BACH2: variants seen among roughly 807,000 people sequenced by gnomAD.
The protein encoded by BACH2 is transcription regulator protein BACH2.
BACH2 carries 5 observed loss-of-function variants against 61.8 expected under a neutral mutation model. That is an observed-to-expected ratio of 0.08 (90% CI 0.04 to 0.17). The LOEUF is 0.17. Ranked by LOEUF, BACH2 falls within the 10% of genes least tolerant of loss-of-function variation. The pLI is 1.00. For missense variants in BACH2, 824 were observed against 1,091.1 expected (o/e 0.76, Z 3.45); for synonymous variants, 446 against 440.1 (o/e 1.01, Z -0.17).
intron 4 of BACH2, among the ~76,000 whole-genome samples, chr6:90,106,788 A>G (rs1402693793): frequency 6.6e-6 from 1 of 152,246 alleles, no homozygotes; most frequent in African/African-American, 2.4e-5. Context: ...TATGTACCAC[A>G]TCACTGCATA....
chr6:90,156,789 TAACTCTTGCATA>T (rs1785009081), intron 4 of BACH2, among the ~76,000 whole-genome samples: 2 of 151,906 alleles, frequency 1.3e-5, no homozygotes, highest in Non-Finnish European at 2.9e-5. Flanking sequence ...CAACACGGAG[TAACTCTTGCATA>T]AAAATGGAGA....
chr6:89,987,995 A>G (rs1776336325), intron 6 of BACH2, among the ~76,000 whole-genome samples: 1 of 152,198 alleles, frequency 6.6e-6, no homozygotes, highest in African/African-American at 2.4e-5. Flanking sequence ...GTCTCCTATA[A>G]GTCTATGAAT....
At chr6:90,193,596 T>A (rs986992555) in intron 4 of BACH2, among the ~76,000 whole-genome samples, 5 of 152,242 alleles carry the variant, frequency 3.3e-5, no homozygotes, top group African/African-American at 9.6e-5. Flanking sequence ...ACAAAATAGA[T>A]GGTGAGGCCA....
chr6:89,954,700 C>T (rs1341114890), intron 6 of BACH2, among the ~76,000 whole-genome samples: 1 of 151,910 alleles, frequency 6.6e-6, no homozygotes, highest in Non-Finnish European at 1.5e-5. Flanking sequence ...CATCTCCGCT[C>T]AGGGACGAGC....
intron 4 of BACH2, among the ~76,000 whole-genome samples, chr6:90,170,566 GA>G (rs1292909247): frequency 2.0e-5 from 3 of 151,806 alleles, no homozygotes; most frequent in East Asian, 3.9e-4. Flanking sequence ...GAAGACCAAA[GA>G]AAAAAAGACA....
chr6:90,250,040 A>G (rs1028992776), intron 3 of BACH2, among the ~76,000 whole-genome samples: 1 of 152,118 alleles, frequency 6.6e-6, no homozygotes, highest in African/African-American at 2.4e-5. Flanking sequence ...AGACTCAAAA[A>G]AAGGTAATGC....
intron 2 of BACH2, 24 bp from the exon 3 acceptor site, chr6:90,252,614 A>G (rs890764170): frequency 1.3e-5 from 2 of 152,228 alleles, no homozygotes; most frequent in Admixed American, 6.5e-5. Flanking sequence ...AATGGATATG[A>G]TTATCACTCT....
At chr6:90,087,222 A>T (rs1201118135) in intron 5 of BACH2, among the ~76,000 whole-genome samples, 1 of 152,212 alleles carries the variant, frequency 6.6e-6, no homozygotes, top group East Asian at 1.9e-4. Context: ...AGAGAGTTAT[A>T]ATAAGAGAAC....
chr6:90,139,639 C>CA (rs1488520509), intron 4 of BACH2, among the ~76,000 whole-genome samples: 1 of 152,204 alleles, frequency 6.6e-6, no homozygotes, highest in Non-Finnish European at 1.5e-5. Context: ...AACAAACCAA[C>CA]AGTCCTTCAA....
intron 7 of BACH2, among the ~76,000 whole-genome samples, chr6:89,943,127 A>G (rs1467418856): frequency 6.6e-6 from 1 of 152,134 alleles, no homozygotes; most frequent in Non-Finnish European, 1.5e-5. Flanking sequence ...CCAGCTCCTG[A>G]GCAGTCAGTA....
intron 5 of BACH2, among the ~76,000 whole-genome samples, chr6:90,045,370 T>C (rs1042820860): frequency 7.9e-5 from 12 of 152,144 alleles, no homozygotes; most frequent in African/African-American, 2.4e-4. Flanking sequence ...TCACAGCATG[T>C]TGTGCAGGCT....
rs553491627 is a variant in BACH2 at position 89,951,889 on chromosome 6, A to C, written c.244-27T>G. On this transcript the variant is annotated intron_variant, in intron 6 of 8. Transcript: ENST00000257749. This position sits in a 1 kb window ranked among gnomAD's most constrained non-coding sequence, Gnocchi z 6.4. ...TGCAAAACAAACAGGGAAATCGCCA[A>C]CATTACCATCAGCACTGCTATTGTC... 5.6e-6 allele frequency: 9 copies of C among 1,598,648 alleles called. No homozygotes were observed. In the South Asian group the frequency reaches 7.9e-5, roughly 14 times the overall value.
intron 4 of BACH2, among the ~76,000 whole-genome samples, chr6:90,179,870 T>G (rs993344712): frequency 1.3e-5 from 2 of 152,158 alleles, no homozygotes; most frequent in African/African-American, 4.8e-5. Context: ...CAAAGATGTT[T>G]ATGATTTCAG....
intron 4 of BACH2, among the ~76,000 whole-genome samples, chr6:90,163,469 GA>G (rs1241261037): frequency 2.0e-5 from 3 of 151,934 alleles, no homozygotes; most frequent in Non-Finnish European, 4.4e-5. Context: ...TTTGAATTTG[GA>G]AAAAAGTCAA....
At chr6:90,249,269 A>G (rs1770730560) in intron 3 of BACH2, among the ~76,000 whole-genome samples, 1 of 152,164 alleles carries the variant, frequency 6.6e-6, no homozygotes, top group Admixed American at 6.6e-5. Context: ...AGTTACAGAC[A>G]GGCACTGTAT....
At chr6:90,022,019 G>A (rs916850169) in intron 5 of BACH2, among the ~76,000 whole-genome samples, 16 of 152,260 alleles carry the variant, frequency 1.1e-4, no homozygotes, top group African/African-American at 3.6e-4. Flanking sequence ...AATGGTTCTC[G>A]TAATTCAGTA....
intron 1 of BACH2, among the ~76,000 whole-genome samples, chr6:90,288,858 CA>C (rs1203213004): frequency 6.6e-6 from 1 of 151,922 alleles, no homozygotes; most frequent in Non-Finnish European, 1.5e-5. Flanking sequence ...ACCAAAAAAA[CA>C]AAAAACAAAA....
At chr6:90,032,987 G>GAAA (rs1169266655) in intron 5 of BACH2, among the ~76,000 whole-genome samples, 1 of 152,100 alleles carries the variant, frequency 6.6e-6, no homozygotes, top group African/African-American at 2.4e-5. Context: ...ACTGGATTAA[G>GAAA]AAAATGTGGT....
rs546881235 is a variant in BACH2, at chr6:90,061,043, G to A, written c.-13+27918C>T. The stretch of plus-strand genomic sequence containing the variant: ...TTTGGAGTACAAAGTCTGTTATACT[G>A]GCAGAAGAAGAGGTCCTCTTTAAAA... On this transcript the variant is annotated intron_variant, in intron 5 of 8. Coordinates refer to ENST00000257749, the MANE Select transcript of BACH2 (RefSeq NM_021813.4). Among the ~76,000 whole-genome samples the A allele has an allele frequency of 3.3e-5, 5 of 152,168 alleles. No individual in the cohort carries two copies. In the East Asian group the frequency reaches 9.7e-4, roughly 29 times the overall value.
Sources: allele counts gnomAD v4.1 joint callset (sites outside exome capture counted in the v4.1 genomes callset), GRCh38; gene constraint gnomAD v4.1.1; non-coding constraint Gnocchi (gnomAD v3.1); transcripts MANE v1.5; gene names NCBI Gene and HGNC (gene_info 2026-07-23, HGNC 2026-07-21).